The following OSBPL10 variants were observed in gnomAD, a reference collection of about 807,000 sequenced individuals.
The protein encoded by OSBPL10 is oxysterol-binding protein-related protein 10.
A neutral mutation model predicts 81.7 loss-of-function variants in OSBPL10; 49 were observed. The observed-to-expected ratio is 0.60, with a 90% CI of 0.48 to 0.76. OSBPL10 has a LOEUF of 0.76. Among genes scored for constraint, OSBPL10 ranks in the 30% least tolerant of loss-of-function variants. OSBPL10 has a pLI of 0.00. For synonymous variants in OSBPL10, 419 were observed against 383.6 expected, an observed-to-expected ratio of 1.09 and a Z score of -1.08; for missense variants, 923 against 987.8, an observed-to-expected ratio of 0.93 and a Z score of 0.88.
upstream of OSBPL10, among the ~76,000 whole-genome samples, chr3:31,985,284 C>A (rs1443349258): frequency 6.6e-6 from 1 of 152,044 alleles, no homozygotes; most frequent in Admixed American, 6.6e-5. Flanking sequence ...CACAAATGCT[C>A]AATATAAGGA....
At chr3:31,871,581 C>G (rs1701326782) in intron 3 of OSBPL10, among the ~76,000 whole-genome samples, 1 of 152,234 alleles carries the variant, frequency 6.6e-6, no homozygotes, top group Non-Finnish European at 1.5e-5. Context: ...TTGATAAAAA[C>G]TACAAGAAGC....
intron 10 of OSBPL10, 99 bp from the exon 11 acceptor site, chr3:31,664,331 G>A (rs968666689): frequency 7.7e-7 from 1 of 1,290,714 alleles, no homozygotes; most frequent in Non-Finnish European, 1.1e-6. Flanking sequence ...GGGGCCGCCA[G>A]GCAAGCCCCC....
In OSBPL10 at chr3:31,733,321, T is replaced by A. The variant is rs992392920; in HGVS notation, c.1031A>T (p.Asn344Ile). Residue 344 changes from asparagine (N) to isoleucine (I), a missense_variant, in exon 6 of 12, where the codon AAC becomes ATC. Physicochemically the swap from Asn to Ile is moderately radical, Grantham distance 149 (BLOSUM62 -3). Around this residue, in one of 3 missense-constraint regions of OSBPL10, gnomAD observed 514 missense variants for 508.0 expected, o/e 1.01. Transcript: ENST00000396556. ...GTTTGGTAAAATTGCCCAGGTTATGTTGGCACTGGCTGATGGCAAAGAGCC... is the reference window on the plus strand; with the variant it reads ...GTTTGGTAAAATTGCCCAGGTTATGATGGCACTGGCTGATGGCAAAGAGCC... ...TLGSLPSASA[N>I]ITWAILPNSA... 6.2e-7 allele frequency: 1 copy of A among 1,613,478 alleles called. No homozygotes were observed. The highest frequency in any genetic ancestry group is 8.5e-7 in the Non-Finnish European group (1 of 1,179,894).
At chr3:31,761,007 TA>T (rs1698020033) in intron 4 of OSBPL10, among the ~76,000 whole-genome samples, 3 of 151,700 alleles carry the variant, frequency 2.0e-5, no homozygotes, top group South Asian at 2.1e-4. Context: ...AGCTCACAAC[TA>T]AAAAAAATTG....
chr3:31,812,907 A>T (rs1051861477), intron 4 of OSBPL10, among the ~76,000 whole-genome samples: 29 of 152,180 alleles, frequency 1.9e-4, no homozygotes, highest in African/African-American at 6.3e-4. Context: ...TAAAATGTGT[A>T]CTAAAATGAT....
intron 4 of OSBPL10, among the ~76,000 whole-genome samples, chr3:31,774,255 A>T (rs1698480293): frequency 1.3e-5 from 2 of 151,908 alleles, no homozygotes; most frequent in Non-Finnish European, 2.9e-5. Flanking sequence ...ACCTATTGTT[A>T]GAGGGAGAGT....
chr3:32,030,076 A>C (rs1446922683), intron 2 of OSBPL10: 1 of 191,462 alleles, frequency 5.2e-6, no homozygotes, highest in East Asian at 1.5e-4. Flanking sequence ...AGAATAGAGA[A>C]TATGTCAAAG....
chr3:31,887,238 C>A (rs1475955274), intron 1 of OSBPL10, among the ~76,000 whole-genome samples: 2 of 152,136 alleles, frequency 1.3e-5, no homozygotes, highest in Non-Finnish European at 2.9e-5. Context: ...TCAACAAGTA[C>A]CTTGTTTATA....
chr3:31,678,056 C>A (rs1700528222), intron 8 of OSBPL10, among the ~76,000 whole-genome samples: 1 of 136,374 alleles, frequency 7.3e-6, no homozygotes, highest in Non-Finnish European at 1.5e-5. Flanking sequence ...AGTCCGCAGT[C>A]CGGCCTGGGC....
At chr3:31,961,473 A>G (rs35492119) in intron 1 of OSBPL10, among the ~76,000 whole-genome samples, 36,089 of 152,114 alleles carry the variant, frequency 0.24, 4,706 homozygotes, top group South Asian at 0.33. Context: ...TGGGAACTCT[A>G]TATTTCCAAT....
chr3:31,991,179 C>T, intron 2 of OSBPL10: 1 of 611,830 alleles, frequency 1.6e-6, no homozygotes, highest in African/African-American at 1.9e-5. Context: ...GGCAGGGTGG[C>T]TTATACCTGT....
chr3:31,814,819 G>C (rs1699794784), intron 4 of OSBPL10, among the ~76,000 whole-genome samples: 3 of 152,168 alleles, frequency 2.0e-5, no homozygotes, highest in African/African-American at 7.2e-5. Context: ...GGGATATGGG[G>C]CTATTTAGGC....
rs1416436612 is a variant in OSBPL10, at chr3:31,848,289, T to C, written c.538-18058A>G. 8.6e-5 allele frequency among the ~76,000 whole-genome samples: 13 copies of C among 151,718 alleles called. No individual in the cohort carries two copies. The East Asian group carries it at 2.5e-3, about 30-fold the overall frequency. ...CACGTTTTACCTTCTCTTCTGCTGTTACTCTCTGCTTGTCCTAGAAGAATT... is the reference window on the plus strand; with the variant it reads ...CACGTTTTACCTTCTCTTCTGCTGTCACTCTCTGCTTGTCCTAGAAGAATT... On this transcript the variant is annotated intron_variant, in intron 3 of 11. Coordinates refer to ENST00000396556, the MANE Select transcript of OSBPL10 (RefSeq NM_017784.5).
Position 31,955,166 on chromosome 3 carries a change from A to C in OSBPL10, c.281+25733T>G, listed in dbSNP as rs537224616. Among the ~76,000 whole-genome samples the C allele has an allele frequency of 1.6e-4, 24 of 151,844 alleles. No individual in the cohort carries two copies. The South Asian group carries it at 5.0e-3, about 31-fold the overall frequency. On this transcript the variant is annotated intron_variant, in intron 1 of 11. Coordinates refer to ENST00000396556, the MANE Select transcript of OSBPL10 (RefSeq NM_017784.5). ...GCAGCGTGAGCTGCTCAGACAAAAG[A>C]AAAAAGGAAAGATGACAAAATTGAA...
intron 1 of OSBPL10, among the ~76,000 whole-genome samples, chr3:31,947,750 G>T (rs995881326): frequency 5.6e-4 from 85 of 152,294 alleles, no homozygotes; most frequent in African/African-American, 1.9e-3. Context: ...AATAGATAAA[G>T]AATCTGTGTT....
intron 4 of OSBPL10, among the ~76,000 whole-genome samples, chr3:31,825,178 T>C (rs554305594): frequency 7.7e-4 from 117 of 152,210 alleles, no homozygotes; most frequent in African/African-American, 2.8e-3. Context: ...GGTGACATGA[T>C]AAAATGTTCC....
chr3:31,943,986 AAAAAAAAAAG>A, intron 1 of OSBPL10, among the ~76,000 whole-genome samples: 1 of 150,736 alleles, frequency 6.6e-6, no homozygotes, highest in African/African-American at 2.4e-5. Context: ...AAAAAAAAAA[AAAAAAAAAAG>A]TTCTTTAGAA....
At chr3:31,925,374 T>G (rs929852520) in intron 1 of OSBPL10, among the ~76,000 whole-genome samples, 3 of 152,022 alleles carry the variant, frequency 2.0e-5, no homozygotes, top group Non-Finnish European at 4.4e-5. Flanking sequence ...CTCCCTAAAG[T>G]ACTCTGACAA....
At chr3:31,952,457 A>G (rs1243133022) in intron 1 of OSBPL10, among the ~76,000 whole-genome samples, 1 of 152,192 alleles carries the variant, frequency 6.6e-6, no homozygotes, top group Non-Finnish European at 1.5e-5. Flanking sequence ...AGCACTTTGC[A>G]TGCTGCAGTT....
Sources: gnomAD v4.1 joint callset for allele counts (sites outside exome capture counted in the v4.1 genomes callset) on GRCh38, gnomAD v4.1.1 for gene constraint, gnomAD v4.1.1 regional missense constraint, MANE v1.5 for transcripts, NCBI Gene and HGNC (gene_info 2026-07-23, HGNC 2026-07-21) for gene names.